Variants in C14orf39 observed in about 807,000 individuals in gnomAD.
C14orf39 encodes protein SIX6OS1.
In C14orf39, 66 loss-of-function variants were observed where a neutral mutation model predicts 85.6. The ratio of observed to expected loss-of-function variants is 0.77; its 90% CI spans 0.63 to 0.95. The LOEUF (loss-of-function observed/expected upper bound fraction) is 0.95, where lower values mean the gene tolerates loss of function less well. Among genes scored for constraint, C14orf39 ranks in the 40% least tolerant of loss-of-function variants. C14orf39 has a pLI of 0.00. For synonymous variants in C14orf39, 242 were observed against 214.0 expected (o/e 1.13, Z -1.14); for missense variants, 735 against 663.9 (o/e 1.11, Z -1.18).
At chr14:60,453,411 C>T (rs1451518106) in intron 16 of C14orf39, among the ~76,000 whole-genome samples, 1 of 151,644 alleles carries the variant, frequency 6.6e-6, no homozygotes, top group East Asian at 1.9e-4. Context: ...CATTTTCCAT[C>T]CATTTACTGT....
At chr14:60,446,450 A>C (rs536097284) in intron 16 of C14orf39, among the ~76,000 whole-genome samples, 1 of 152,380 alleles carries the variant, frequency 6.6e-6, no homozygotes, top group South Asian at 2.1e-4. Flanking sequence ...AAAATTTAGA[A>C]GAAATGCTTA....
At position 60,466,997 on chromosome 14, in the gene C14orf39, C is replaced by T; in HGVS notation, c.815G>A (p.Ser272Asn). The T allele has an allele frequency of 6.8e-7, 1 of 1,466,484 alleles. No individual in the cohort carries two copies. The highest frequency in any genetic ancestry group is 9.1e-7 in the Non-Finnish European group (1 of 1,103,586). The allele number at this position is 1,466,484 out of a possible 1,614,324, so 90.8% of individuals were successfully genotyped here. The change falls in exon 10 of 18, where the codon AGC becomes AAC. Residue 272 changes from serine to asparagine, a missense_variant. By Grantham distance (46) the Ser-to-Asn change is conservative (BLOSUM62 1). Coordinates refer to ENST00000321731, the MANE Select transcript of C14orf39 (RefSeq NM_174978.3). Reference protein sequence around the residue: ...EHVLTLNKTQSSQLFLPYESQ... With the variant: ...EHVLTLNKTQNSQLFLPYESQ... ...TTCATAAGGAAGAAATAATTGACTG[C>T]TTTGAGTTTTATTCAATGTAAGTAC...
At chr14:60,448,440 T>G (rs1480984558) in intron 16 of C14orf39, among the ~76,000 whole-genome samples, 1 of 152,204 alleles carries the variant, frequency 6.6e-6, no homozygotes, top group Non-Finnish European at 1.5e-5. Flanking sequence ...ATGCTCATCA[T>G]CACTGGTCAT....
At chr14:60,509,394 C>A in intron 1 of C14orf39, 1 of 1,599,162 alleles carries the variant, frequency 6.3e-7, no homozygotes, top group South Asian at 1.1e-5. Flanking sequence ...GCCGGCACTG[C>A]CTCGATGTTC....
At chr14:60,485,729 C>T (rs1246714402) in intron 1 of C14orf39, among the ~76,000 whole-genome samples, 1 of 152,106 alleles carries the variant, frequency 6.6e-6, no homozygotes, top group East Asian at 1.9e-4. Flanking sequence ...TCACAGCCTC[C>T]TGTCCTGGCT....
At chr14:60,514,319 T>C (rs1893332265) in intron 1 of C14orf39, among the ~76,000 whole-genome samples, 1 of 152,206 alleles carries the variant, frequency 6.6e-6, no homozygotes, top group Non-Finnish European at 1.5e-5. Context: ...TCCTTTCTTT[T>C]CCTGCAATTC....
chr14:60,456,112 G>A (rs1891262849), intron 15 of C14orf39, among the ~76,000 whole-genome samples: 1 of 151,992 alleles, frequency 6.6e-6, no homozygotes, highest in South Asian at 2.1e-4. Flanking sequence ...GTAGAGTACA[G>A]GTCTGATGCA....
intron 5 of C14orf39, among the ~76,000 whole-genome samples, chr14:60,473,666 T>C (rs1434924367): frequency 6.6e-6 from 1 of 152,218 alleles, no homozygotes; most frequent in African/African-American, 2.4e-5. Flanking sequence ...GGGAATCCTT[T>C]CCCCATTTCT....
chr14:60,488,145 TAA>T (rs1405735526), upstream of C14orf39, among the ~76,000 whole-genome samples: 1 of 152,190 alleles, frequency 6.6e-6, no homozygotes, highest in Non-Finnish European at 1.5e-5. Context: ...ATTTAGTAGG[TAA>T]AAAGTTAGTC....
At chr14:60,493,639 G>A (rs1444325371) in intron 2 of C14orf39, 2 of 152,102 alleles carry the variant, frequency 1.3e-5, no homozygotes, top group Admixed American at 1.3e-4. Context: ...TTTATTTCAT[G>A]TTTTGTTTTT....
In C14orf39 at chr14:60,436,276, C is replaced by T. The variant is rs550848505; in HGVS notation, c.*569G>A. On this transcript the variant is annotated 3_prime_UTR_variant, in exon 18 of 18. Coordinates refer to ENST00000321731, the MANE Select transcript of C14orf39 (RefSeq NM_174978.3). The stretch of plus-strand genomic sequence containing the variant: ...AATTTTTAGCCATTGAAAGCATTAG[C>T]ATAACTCATAAAATTAGAATTGTAC... 5 of 151,986 alleles carry T rather than the reference C, an allele frequency of 3.3e-5. No individual in the cohort carries two copies. The highest frequency in any genetic ancestry group is 7.4e-5 in the Non-Finnish European group (5 of 67,998). 9.4% of individuals were successfully genotyped at this position (151,986 alleles called of 1,614,324 possible).
At chr14:60,514,938 G>C (rs890361522) in intron 1 of C14orf39, among the ~76,000 whole-genome samples, 8 of 152,162 alleles carry the variant, frequency 5.3e-5, no homozygotes. Context: ...CGTAATCAGG[G>C]CTAATGACGG....
At chr14:60,443,560 T>A (rs1046965496) in intron 16 of C14orf39, among the ~76,000 whole-genome samples, 7 of 152,332 alleles carry the variant, frequency 4.6e-5, no homozygotes, top group African/African-American at 1.4e-4. Context: ...CAGCAAGGCC[T>A]ACTGCCTCTA....
chr14:60,454,756 C>T (rs763535622), intron 16 of C14orf39, among the ~76,000 whole-genome samples: 1 of 151,848 alleles, frequency 6.6e-6, no homozygotes, highest in Non-Finnish European at 1.5e-5. Context: ...TTTTAAACTG[C>T]CTTTAGCTGA....
At chr14:60,506,023 C>T (rs1352239917) in intron 1 of C14orf39, among the ~76,000 whole-genome samples, 2 of 152,210 alleles carry the variant, frequency 1.3e-5, no homozygotes, top group Non-Finnish European at 2.9e-5. Flanking sequence ...CAGTTAGCTA[C>T]AAAACCAGCC....
Position 60,436,680 on chromosome 14 carries a change from C to A in C14orf39, c.*165G>T. 6 of 505,242 alleles carry A rather than the reference C, an allele frequency of 1.2e-5. No homozygotes were observed. Among genetic ancestry groups the A allele is most frequent in the Non-Finnish European group, 2.0e-5 (6 of 300,218 alleles). The allele number at this position is 505,242 out of a possible 1,614,324, so 31.3% of individuals were successfully genotyped here. A position where few individuals can be genotyped will look rare whatever the true frequency, so the allele number is the denominator to read the frequency against. ...GATTAGTTAATAGCACACACAAAAC[C>A]CAAAATATTCAGTATTTCAATATTT... On this transcript the variant is annotated 3_prime_UTR_variant, in exon 18 of 18. Transcript: ENST00000321731.
chr14:60,452,369 T>C (rs1203876964), intron 16 of C14orf39, among the ~76,000 whole-genome samples: 1 of 152,042 alleles, frequency 6.6e-6, no homozygotes, highest in Non-Finnish European at 1.5e-5. Flanking sequence ...CTAGAGGTCA[T>C]TATGTTAAAT....
rs768629757 is a variant in C14orf39, at chr14:60,471,637, T to A, written c.426A>T (p.Lys142Asn). Residue 142 changes from lysine to asparagine, a missense_variant, in exon 6 of 18, where the codon AAA (lysine) becomes AAT (asparagine). Transcript: ENST00000321731. ...TPFSREYYEK[K>N]REHEEIQSRV... ...TGCTTTGAATTTCTTCATGTTCTCT[T>A]TTCTTCTCATAATATTCACGTGAAA... The A allele has an allele frequency of 2.5e-6, 4 of 1,611,142 alleles. No homozygotes were observed. In the African/African-American group the frequency reaches 5.3e-5, roughly 22 times the overall value.
chr14:60,510,895 G>A (rs1037256193), intron 1 of C14orf39, among the ~76,000 whole-genome samples: 2 of 152,264 alleles, frequency 1.3e-5, no homozygotes, highest in Admixed American at 1.3e-4. Flanking sequence ...CAACAGTAGG[G>A]ACCCGCGGAG....
Sources: gnomAD v4.1 joint callset for allele counts (sites outside exome capture counted in the v4.1 genomes callset) on GRCh38, gnomAD v4.1.1 for gene constraint, MANE v1.5 for transcripts, NCBI Gene and HGNC (gene_info 2026-07-23, HGNC 2026-07-21) for gene names.